Variants in RYR2 observed in about 807,000 individuals in gnomAD.
RYR2 encodes the protein cardiac muscle ryanodine receptor-calcium release channel.
A neutral mutation model predicts 601.1 loss-of-function variants in RYR2; 227 were observed. The ratio of observed to expected loss-of-function variants is 0.38; its 90% confidence interval spans 0.34 to 0.42. The LOEUF (loss-of-function observed/expected upper bound fraction) is 0.42. Among genes scored for constraint, RYR2 ranks in the 10% least tolerant of loss-of-function variants. The pLI is 1.00. For missense variants in RYR2, 4,646 were observed against 6,156.5 expected (o/e 0.75, Z 8.21); for synonymous variants, 2,223 against 2,175.1 (o/e 1.02, Z -0.61).
At chr1:237,144,965 C>T (rs953292423) in intron 1 of RYR2, among the ~76,000 whole-genome samples, 1 of 152,082 alleles carries the variant, frequency 6.6e-6, no homozygotes, top group African/African-American at 2.4e-5. Context: ...ATACATGATT[C>T]CCTGGCCAAT....
intron 2 of RYR2, among the ~76,000 whole-genome samples, chr1:237,278,298 C>G (rs1374638740): frequency 2.2e-5 from 3 of 134,070 alleles, no homozygotes; most frequent in Non-Finnish European, 4.6e-5. Flanking sequence ...ACTGTGTTGC[C>G]CAGGCTGGTC....
intron 80 of RYR2, among the ~76,000 whole-genome samples, chr1:237,750,019 G>A (rs1012798004): frequency 6.6e-6 from 1 of 151,984 alleles, no homozygotes; most frequent in Non-Finnish European, 1.5e-5. Context: ...GGTGGCGGGC[G>A]CCTGTAATCC....
intron 18 of RYR2, among the ~76,000 whole-genome samples, chr1:237,492,132 A>G (rs1342981259): frequency 6.6e-6 from 1 of 152,194 alleles, no homozygotes; most frequent in African/African-American, 2.4e-5. Flanking sequence ...TCTAGGGTTC[A>G]AGCATTCTCC....
chr1:237,455,557 C>T (rs1658707981), intron 15 of RYR2, among the ~76,000 whole-genome samples: 1 of 151,996 alleles, frequency 6.6e-6, no homozygotes, highest in Non-Finnish European at 1.5e-5. Flanking sequence ...CACATGTAAC[C>T]CCCAAAGCCT....
intron 34 of RYR2, among the ~76,000 whole-genome samples, chr1:237,599,808 CAAAAA>C (rs56123861): frequency 0.37 from 39,873 of 107,740 alleles, 6,812 homozygotes; most frequent in Admixed American, 0.5. Flanking sequence ...GACTCCATCT[CAAAAA>C]AAAAAAAAAA....
intron 2 of RYR2, among the ~76,000 whole-genome samples, chr1:237,311,928 A>G (rs528549954): frequency 6.6e-6 from 1 of 152,320 alleles, no homozygotes; most frequent in East Asian, 1.9e-4. Flanking sequence ...TTGCAGTTCT[A>G]TGTCAGTAAA....
intron 25 of RYR2, among the ~76,000 whole-genome samples, chr1:237,542,473 T>A (rs182038963): frequency 6.6e-6 from 1 of 152,210 alleles, no homozygotes; most frequent in Non-Finnish European, 1.5e-5. Flanking sequence ...ATGTTCTGGG[T>A]ACTCACCTGA....
intron 63 of RYR2, among the ~76,000 whole-genome samples, chr1:237,691,759 G>A (rs1315488568): frequency 6.6e-6 from 1 of 152,142 alleles, no homozygotes; most frequent in Non-Finnish European, 1.5e-5. Flanking sequence ...ATAGCTTCTT[G>A]TCTAAATATA....
chr1:237,512,742 G>A (rs935671870), intron 24 of RYR2, among the ~76,000 whole-genome samples: 5 of 152,076 alleles, frequency 3.3e-5, no homozygotes, highest in Non-Finnish European at 5.9e-5. Flanking sequence ...GCATAATGGC[G>A]CACACCTGAG....
intron 2 of RYR2, 96 bp downstream of exon 2, chr1:237,270,712 T>C: frequency 7.5e-7 from 1 of 1,334,020 alleles, no homozygotes; most frequent in Non-Finnish European, 1.0e-6. Context: ...GTGGAATACA[T>C]ACTATATAAA....
At chr1:237,675,914 T>C (rs1362436069) in intron 60 of RYR2, among the ~76,000 whole-genome samples, 1 of 152,164 alleles carries the variant, frequency 6.6e-6, no homozygotes, top group Non-Finnish European at 1.5e-5. Context: ...TTCTTTTTCT[T>C]AAAAGCTTAC....
In RYR2 at chr1:237,654,401, C is replaced by T. The variant is rs1259240846; in HGVS notation, c.7952C>T (p.Ala2651Val). 1 of 1,613,576 alleles carries T rather than the reference C, an allele frequency of 6.2e-7. No homozygotes were observed. The highest frequency in any genetic ancestry group is 1.3e-5 in the African/African-American group (1 of 74,868). Reference protein sequence around the residue: ...SRKLFWGIFDALSQKKYEQEL... With the variant: ...SRKLFWGIFDVLSQKKYEQEL... Reference sequence around the variant, plus strand: ...AAGTTGTTCTGGGGCATTTTTGATGCCCTGTCTCAAAAGGTAATTTAATGG... The same window carrying T: ...AAGTTGTTCTGGGGCATTTTTGATGTCCTGTCTCAAAAGGTAATTTAATGG... The change falls in exon 52 of 105, where the codon GCC becomes GTC. Residue 2651 changes from alanine (A) to valine (V), a missense_variant. Transcript: ENST00000366574.
chr1:237,072,224 C>T (rs988165669), intron 1 of RYR2, among the ~76,000 whole-genome samples: 7 of 152,242 alleles, frequency 4.6e-5, no homozygotes, highest in Non-Finnish European at 7.3e-5. Flanking sequence ...GTGCCTCCCC[C>T]GCTGCAGCTG....
intron 4 of RYR2, among the ~76,000 whole-genome samples, 192 bp from the exon 5 acceptor site, chr1:237,364,166 T>C (rs1700009290): frequency 6.6e-6 from 1 of 152,138 alleles, no homozygotes; most frequent in African/African-American, 2.4e-5. Context: ...TTTTGCTTGC[T>C]ACGGCTTTTC....
At chr1:237,665,127 A>G (rs550195607) in intron 56 of RYR2, among the ~76,000 whole-genome samples, 1 of 152,160 alleles carries the variant, frequency 6.6e-6, no homozygotes, top group African/African-American at 2.4e-5. Flanking sequence ...CAGGCCGGGC[A>G]TGGTGGCTCA....
At chr1:237,307,063 G>T (rs1230505482) in intron 2 of RYR2, among the ~76,000 whole-genome samples, 1 of 152,100 alleles carries the variant, frequency 6.6e-6, no homozygotes, top group African/African-American at 2.4e-5. Context: ...TCCATTATAT[G>T]TCCTCTGTCA....
At chr1:237,554,319 A>G (rs551812884) in intron 27 of RYR2, among the ~76,000 whole-genome samples, 43 of 151,972 alleles carry the variant, frequency 2.8e-4, no homozygotes, top group Admixed American at 2.0e-3. Context: ...TGTTAAACCA[A>G]CTTTCTAGTT....
At chr1:237,480,066 A>G (rs955371583) in intron 17 of RYR2, among the ~76,000 whole-genome samples, 1 of 152,176 alleles carries the variant, frequency 6.6e-6, no homozygotes, top group Non-Finnish European at 1.5e-5. Context: ...TCAGCGATGC[A>G]TGAATGAATA....
At chr1:237,303,192 C>A (rs1483530305) in intron 2 of RYR2, among the ~76,000 whole-genome samples, 2 of 151,722 alleles carry the variant, frequency 1.3e-5, no homozygotes, top group Non-Finnish European at 2.9e-5. Flanking sequence ...ATAACAATTT[C>A]CAGTTTTCCT....
Sources: allele counts gnomAD v4.1 joint callset (sites outside exome capture counted in the v4.1 genomes callset), GRCh38; gene constraint gnomAD v4.1.1; transcripts MANE v1.5; gene names NCBI Gene and HGNC (gene_info 2026-07-23, HGNC 2026-07-21).